Variants in TBCK observed in about 807,000 individuals in gnomAD.
TBCK encodes the protein TBC domain-containing protein kinase-like protein.
In TBCK, 99 loss-of-function variants were observed where a neutral mutation model predicts 113.4. That is an observed-to-expected ratio of 0.87 (90% CI 0.74 to 1.03). The LOEUF is 1.03. Among genes scored for constraint, TBCK ranks in the 50% least tolerant of loss-of-function variants. TBCK has a pLI of 0.00. For missense variants in TBCK, 1,045 were observed against 1,061.3 expected, an observed-to-expected ratio of 0.98 and a Z score of 0.21; for synonymous variants, 369 against 370.8, an observed-to-expected ratio of 1.00 and a Z score of 0.05.
chr4:106,263,208 T>C (rs1762659966), intron 3 of TBCK, among the ~76,000 whole-genome samples: 1 of 151,876 alleles, frequency 6.6e-6, no homozygotes, highest in South Asian at 2.1e-4. Context: ...AAAATTAAAT[T>C]AGTGTTTGCA....
chr4:106,214,728 T>C (rs1427303019), intron 19 of TBCK, among the ~76,000 whole-genome samples: 13 of 151,818 alleles, frequency 8.6e-5, no homozygotes, highest in African/African-American at 2.9e-4. Context: ...AAAGACCAAA[T>C]CTACGTCTGA....
intron 23 of TBCK, among the ~76,000 whole-genome samples, chr4:106,122,141 GA>G (rs1006752214): frequency 1.4e-4 from 21 of 150,980 alleles, no homozygotes; most frequent in African/African-American, 4.4e-4. Flanking sequence ...GACTAATAAA[GA>G]AAAAAAGAGA....
chr4:106,193,804 A>C (rs1379669076), intron 21 of TBCK, 34 bp from the exon 22 acceptor site: 3 of 1,348,196 alleles, frequency 2.2e-6, no homozygotes, highest in Non-Finnish European at 3.0e-6. Flanking sequence ...TAAATTAAAA[A>C]ACCAAAATAA....
At chr4:106,187,779 A>G (rs1308037012) in intron 22 of TBCK, among the ~76,000 whole-genome samples, 1 of 152,168 alleles carries the variant, frequency 6.6e-6, no homozygotes, top group African/African-American at 2.4e-5. Context: ...TCCTTTGGGT[A>G]GATGTACTCT....
At chr4:106,279,949 A>C (rs1426416364) in intron 3 of TBCK, among the ~76,000 whole-genome samples, 1 of 152,156 alleles carries the variant, frequency 6.6e-6, no homozygotes, top group Non-Finnish European at 1.5e-5. Flanking sequence ...GTATATACCT[A>C]GCAGTGGGAC....
intron 3 of TBCK, among the ~76,000 whole-genome samples, chr4:106,288,159 C>T (rs1043941305): frequency 2.0e-5 from 3 of 151,300 alleles, no homozygotes; most frequent in Non-Finnish European, 2.9e-5. Flanking sequence ...TCTGGGAGGC[C>T]GAGGCAGGCA....
intron 25 of TBCK, among the ~76,000 whole-genome samples, chr4:106,090,209 A>G (rs547703448): frequency 6.6e-6 from 1 of 152,202 alleles, no homozygotes; most frequent in South Asian, 2.1e-4. Context: ...ACATCACATG[A>G]AAGCTGCCAG....
In TBCK at chr4:106,090,336, G is replaced by A. The variant is rs182466481; in HGVS notation, c.2571+5146C>T. Among the ~76,000 whole-genome samples the A allele has an allele frequency of 3.8e-3, 576 of 152,322 alleles. 1 individual carries two copies. Among genetic ancestry groups the A allele is most frequent in the Non-Finnish European group, 6.5e-3 (445 of 68,030 alleles). On this transcript the variant is annotated intron_variant, in intron 25 of 25. Transcript: ENST00000394708. ...GAGCACTGTCCTGAGGCTGTGCAGG[G>A]AAGTGGGGTCCTGGGCCTGACCACT...
chr4:106,291,796 C>T (rs149428992), intron 3 of TBCK, among the ~76,000 whole-genome samples: 5 of 152,280 alleles, frequency 3.3e-5, no homozygotes, highest in African/African-American at 1.2e-4. Flanking sequence ...AAAGGTAGCA[C>T]GTGTTCCTCT....
intron 2 of TBCK, among the ~76,000 whole-genome samples, chr4:106,307,163 T>C (rs936759893): frequency 2.4e-4 from 37 of 152,186 alleles, no homozygotes; most frequent in African/African-American, 8.9e-4. Flanking sequence ...CAGCAACATG[T>C]ACAATCTTTC....
chr4:106,233,440 A>C (rs1759094409), intron 16 of TBCK, 148 bp downstream of exon 16: 1 of 647,900 alleles, frequency 1.5e-6, no homozygotes, highest in East Asian at 2.8e-5. Flanking sequence ...CTAATTTATA[A>C]GCATAAGAGT....
chr4:106,315,352 T>C (rs543555882), intron 1 of TBCK, among the ~76,000 whole-genome samples: 4 of 152,216 alleles, frequency 2.6e-5, no homozygotes, highest in African/African-American at 9.6e-5. Context: ...AAGTAAAAAA[T>C]AGGGCAAAAG....
At chr4:106,264,632 A>C (rs1347437519) in intron 3 of TBCK, among the ~76,000 whole-genome samples, 1 of 152,026 alleles carries the variant, frequency 6.6e-6, no homozygotes, top group African/African-American at 2.4e-5. Context: ...GCACAGAAAG[A>C]AATAGAAACC....
rs1486073813 is a variant in TBCK at position 106,233,062 on chromosome 4, A to T, written c.1515T>A (p.Ile505=). The change falls in exon 17 of 26, where the codon ATT becomes ATA. Residue 505 remains isoleucine (I), a splice_region_variant and synonymous_variant. Coordinates refer to ENST00000394708, the MANE Select transcript of TBCK (RefSeq NM_001163435.3). The part of the protein sequence containing the change: ...KDTPIPTDRQ[I]EVDIPRCHQY... ...GATGACAGCGAGGAATATCCACTTC[A>T]ATCTGTTAAAATAGCAAAATAATAA... 2 of 1,609,700 alleles carry T rather than the reference A, an allele frequency of 1.2e-6. No homozygotes were observed. The highest frequency in any genetic ancestry group is 2.2e-5 in the South Asian group (2 of 90,650).
intron 12 of TBCK, among the ~76,000 whole-genome samples, chr4:106,237,024 T>G (rs1299364707): frequency 6.6e-6 from 1 of 152,012 alleles, no homozygotes; most frequent in Non-Finnish European, 1.5e-5. Context: ...ATTTTTTTCT[T>G]ATCTATAGGT....
chr4:106,304,666 A>C (rs941823723), intron 2 of TBCK, among the ~76,000 whole-genome samples: 6 of 152,176 alleles, frequency 3.9e-5, no homozygotes, highest in Non-Finnish European at 5.9e-5. Context: ...AGAAAATCAG[A>C]ATATGCCATC....
intron 3 of TBCK, among the ~76,000 whole-genome samples, chr4:106,282,847 A>G (rs1401859394): frequency 3.9e-5 from 6 of 152,124 alleles, no homozygotes; most frequent in South Asian, 2.1e-4. Flanking sequence ...AGAAATGTAG[A>G]TGGCCTCTAG....
intron 18 of TBCK, among the ~76,000 whole-genome samples, chr4:106,231,467 T>C (rs1758849666): frequency 6.6e-6 from 1 of 151,754 alleles, no homozygotes; most frequent in African/African-American, 2.4e-5. Flanking sequence ...TTAGAAAGTA[T>C]ACTTAGACAA....
At chr4:106,156,296 C>A (rs1749114736) in intron 23 of TBCK, among the ~76,000 whole-genome samples, 1 of 152,172 alleles carries the variant, frequency 6.6e-6, no homozygotes, top group Non-Finnish European at 1.5e-5. Context: ...GTGGCCACCA[C>A]CACTGGTACC....
Sources: gnomAD v4.1 joint callset for allele counts (sites outside exome capture counted in the v4.1 genomes callset) on GRCh38, gnomAD v4.1.1 for gene constraint, MANE v1.5 for transcripts, NCBI Gene and HGNC (gene_info 2026-07-23, HGNC 2026-07-21) for gene names.